The following LTBP1 variants were observed in gnomAD, a reference collection of about 807,000 sequenced individuals.
The protein encoded by LTBP1 is latent transforming growth factor beta binding protein 1.
A neutral mutation model predicts 207.6 loss-of-function variants in LTBP1; 129 were observed. That is an observed-to-expected ratio of 0.62 (90% CI 0.54 to 0.72). LTBP1 has a LOEUF of 0.72. LTBP1 is among the 30% of genes least tolerant of loss of function. The probability of loss-of-function intolerance (pLI) is 0.00; values close to 1 mark genes in which losing one functional copy is unlikely to be tolerated. For missense variants in LTBP1, 2,281 were observed against 2,217.2 expected (o/e 1.03, Z -0.58); for synonymous variants, 963 against 833.7 (o/e 1.16, Z -2.67).
intron 15 of LTBP1, among the ~76,000 whole-genome samples, chr2:33,267,489 G>C (rs1006893444): frequency 1.3e-5 from 2 of 152,220 alleles, no homozygotes; most frequent in African/African-American, 4.8e-5. Context: ...CTGAGGTCAT[G>C]TATGTATCTA....
intron 5 of LTBP1, among the ~76,000 whole-genome samples, chr2:33,166,469 CATGTCTCT>C (rs1362281063): frequency 2.0e-5 from 3 of 152,094 alleles, no homozygotes; most frequent in Non-Finnish European, 4.4e-5. Context: ...ACTTTTCTTC[CATGTCTCT>C]GATTCTTATC....
At chr2:32,965,002 T>C (rs1679730686) in intron 2 of LTBP1, among the ~76,000 whole-genome samples, 1 of 152,098 alleles carries the variant, frequency 6.6e-6, no homozygotes, top group South Asian at 2.1e-4. Flanking sequence ...ATCGCGCCAT[T>C]GCACTCCAGC....
intron 2 of LTBP1, among the ~76,000 whole-genome samples, chr2:33,018,270 C>T (rs1219085115): frequency 4.0e-5 from 6 of 151,570 alleles, no homozygotes; most frequent in South Asian, 2.1e-4. Context: ...CAGGTTCTTG[C>T]GGCTCATTCT....
intron 3 of LTBP1, among the ~76,000 whole-genome samples, chr2:33,071,833 T>G (rs2077806880): frequency 6.6e-6 from 1 of 152,192 alleles, no homozygotes; most frequent in Non-Finnish European, 1.5e-5. Context: ...AGCTTGAATG[T>G]GGAAAAACTC....
intron 9 of LTBP1, among the ~76,000 whole-genome samples, chr2:33,237,402 T>C (rs1329024566): frequency 6.6e-6 from 1 of 152,202 alleles, no homozygotes; most frequent in Non-Finnish European, 1.5e-5. Context: ...GTAAAATTGC[T>C]CTAGAACATT....
chr2:33,256,143 C>T (rs2092843763), intron 11 of LTBP1, among the ~76,000 whole-genome samples: 1 of 151,772 alleles, frequency 6.6e-6, no homozygotes, highest in Non-Finnish European at 1.5e-5. Flanking sequence ...GATTCCAGGG[C>T]ACAGAATATC....
In LTBP1 at chr2:33,117,805, GA is replaced by G. The variant is rs528329073; in HGVS notation, c.1033+7055del. Among the ~76,000 whole-genome samples, 155 of 152,284 alleles carry G rather than the reference GA, an allele frequency of 1.0e-3. 1 individual carries two copies. The highest frequency in any genetic ancestry group is 3.6e-3 in the African/African-American group (148 of 41,548). ...GATAAAGGCAGATATAGTAAGTGTA[GA>G]TGAGGGGAATTGGAGCAACATTCTT... On this transcript the variant is annotated intron_variant, in intron 4 of 33. Transcript: ENST00000404816.
rs1165956437 is a variant in LTBP1, at chr2:33,188,607, A to G, written c.1457A>G (p.His486Arg). The G allele has an allele frequency of 6.2e-7, 1 of 1,613,798 alleles. No individual in the cohort carries two copies. Among genetic ancestry groups the G allele is most frequent in the South Asian group, 1.1e-5 (1 of 91,076 alleles). The change falls in exon 7 of 34, where the codon CAT becomes CGT. Residue 486 changes from histidine (H) to arginine (R), a missense_variant. This residue lies in a region of LTBP1 where 1,671 missense variants were observed against 1,634.8 expected (regional missense o/e 1.02). Coordinates refer to ENST00000404816, the MANE Select transcript of LTBP1 (RefSeq NM_206943.4). ...TTTCCTCCTAACATAGTCAATATCCATGTGAAACATCCTCCTGAAGCTTCC... is the reference window on the plus strand; with the variant it reads ...TTTCCTCCTAACATAGTCAATATCCGTGTGAAACATCCTCCTGAAGCTTCC... Reference protein sequence around the residue: ...VKFPPNIVNIHVKHPPEASVQ... With the variant: ...VKFPPNIVNIRVKHPPEASVQ...
intron 25 of LTBP1, 85 bp from the exon 26 acceptor site, chr2:33,347,282 A>C: frequency 6.6e-7 from 1 of 1,510,028 alleles, no homozygotes; most frequent in Non-Finnish European, 9.1e-7. Context: ...TCAGCAAGAC[A>C]CTATTAGCCC....
chr2:33,342,733 C>T (rs1254401782), intron 24 of LTBP1, 105 bp from the exon 25 acceptor site: 1 of 1,054,032 alleles, frequency 9.5e-7, no homozygotes, highest in Non-Finnish European at 1.4e-6. Context: ...ATCTCATCAT[C>T]ACACACTAAT....
chr2:33,306,526 C>T (rs1444051460), intron 22 of LTBP1, among the ~76,000 whole-genome samples: 4 of 151,400 alleles, frequency 2.6e-5, no homozygotes, highest in South Asian at 2.1e-4. Context: ...GTCAAGATCA[C>T]GCCACTGTAC....
chr2:33,047,418 T>C (rs2076504676), intron 3 of LTBP1, among the ~76,000 whole-genome samples: 1 of 152,170 alleles, frequency 6.6e-6, no homozygotes, highest in South Asian at 2.1e-4. Context: ...CATGTAGTTG[T>C]GCGGTTTTGA....
intron 4 of LTBP1, among the ~76,000 whole-genome samples, chr2:33,116,099 A>G (rs922439422): frequency 6.6e-5 from 10 of 152,240 alleles, no homozygotes; most frequent in Non-Finnish European, 1.2e-4. Context: ...ATGAGCAGCA[A>G]TGGCCATGTA....
intron 3 of LTBP1, among the ~76,000 whole-genome samples, chr2:33,062,014 A>G (rs1459082436): frequency 6.6e-6 from 1 of 152,140 alleles, no homozygotes; most frequent in African/African-American, 2.4e-5. Context: ...CTGAGTGTAT[A>G]GTGGTATCTC....
At chr2:33,354,981 A>G (rs1375527526) in intron 26 of LTBP1, among the ~76,000 whole-genome samples, 1 of 152,142 alleles carries the variant, frequency 6.6e-6, no homozygotes, top group East Asian at 1.9e-4. Flanking sequence ...TCTTAATACT[A>G]CAAGATATAC....
At chr2:33,038,315 T>C (rs191230303) in intron 3 of LTBP1, among the ~76,000 whole-genome samples, 147 of 152,356 alleles carry the variant, frequency 9.6e-4, no homozygotes, top group African/African-American at 3.5e-3. Flanking sequence ...GTTTGGTTTT[T>C]TGGTTTCCCC....
rs772758407 is a variant in LTBP1 at position 33,134,776 on chromosome 2, C to T, written c.1034-17C>T. The T allele has an allele frequency of 6.2e-7, 1 of 1,613,938 alleles. No individual in the cohort carries two copies. Among genetic ancestry groups the T allele is most frequent in the Admixed American group, 1.7e-5 (1 of 59,992 alleles). On this transcript the variant is annotated splice_polypyrimidine_tract_variant and intron_variant, in intron 4 of 33. Coordinates refer to ENST00000404816, the MANE Select transcript of LTBP1 (RefSeq NM_206943.4). This position sits in a 1 kb window ranked among gnomAD's most constrained non-coding sequence, Gnocchi z 4.4. ...TGATGTGTTTGTTGTTCTTTTTCTC[C>T]CTGCCTCCGCTCCTAGTGAGTAACC...
chr2:32,985,164 A>G (rs898063869), intron 2 of LTBP1, among the ~76,000 whole-genome samples: 3 of 152,190 alleles, frequency 2.0e-5, no homozygotes, highest in Non-Finnish European at 4.4e-5. Context: ...TTTCCCCCGG[A>G]ACACAGGAGA....
chr2:33,319,292 T>C (rs2094318940), intron 24 of LTBP1, among the ~76,000 whole-genome samples: 1 of 151,580 alleles, frequency 6.6e-6, no homozygotes, highest in African/African-American at 2.4e-5. Flanking sequence ...CAGCTACTCA[T>C]GAGGCTGTGG....
Sources: gnomAD v4.1 joint callset for allele counts (sites outside exome capture counted in the v4.1 genomes callset) on GRCh38, gnomAD v4.1.1 for gene constraint, gnomAD v4.1.1 regional missense constraint, Gnocchi (gnomAD v3.1) non-coding constraint, MANE v1.5 for transcripts, NCBI Gene and HGNC (gene_info 2026-07-23, HGNC 2026-07-21) for gene names.